The following YTHDC2 variants were observed in gnomAD, a reference collection of about 807,000 sequenced individuals.
The protein encoded by YTHDC2 is 3'-5' RNA helicase YTHDC2.
A neutral mutation model predicts 174.9 loss-of-function variants in YTHDC2; 45 were observed. The ratio of observed to expected loss-of-function variants is 0.26; its 90% CI spans 0.20 to 0.33. YTHDC2 has a LOEUF of 0.33. Among genes scored for constraint, YTHDC2 ranks in the 10% least tolerant of loss-of-function variants. The pLI, the probability that YTHDC2 is intolerant of heterozygous loss-of-function variation, is 1.00. For synonymous variants in YTHDC2, 657 were observed against 574.5 expected, an observed-to-expected ratio of 1.14 and a Z score of -2.05; for missense variants, 1,650 against 1,723.7, an observed-to-expected ratio of 0.96 and a Z score of 0.76.
chr5:113,567,013 T>A, intron 21 of YTHDC2, 79 bp from the exon 22 acceptor site: 2 of 1,424,648 alleles, frequency 1.4e-6, no homozygotes, highest in Admixed American at 2.5e-5. Context: ...TTTACATGAG[T>A]TGTACAAGTT....
At position 113,534,361 on chromosome 5, in the gene YTHDC2, T is replaced by G; in HGVS notation, c.899T>G (p.Leu300Trp). 1 of 1,613,076 alleles carries G rather than the reference T, an allele frequency of 6.2e-7. No individual in the cohort carries two copies. Among genetic ancestry groups the G allele is most frequent in the Non-Finnish European group, 8.5e-7 (1 of 1,179,342 alleles). ...ACTAATGGGGTATTGCTTCGTACAT[T>G]GATGGCAGGAGATAGTACGTTGTCG... ...FCTNGVLLRT[L>W]MAGDSTLSTV... Residue 300 changes from leucine (L) to tryptophan (W), a missense_variant, in exon 6 of 30, where the codon TTG becomes TGG. Physicochemically the swap from Leu to Trp is moderately conservative, Grantham distance 61 (BLOSUM62 -2). Coordinates refer to ENST00000161863, the MANE Select transcript of YTHDC2 (RefSeq NM_022828.5).
intron 10 of YTHDC2, among the ~76,000 whole-genome samples, chr5:113,547,667 G>C (rs1775980146): frequency 6.6e-6 from 1 of 152,054 alleles, no homozygotes; most frequent in Non-Finnish European, 1.5e-5. Context: ...TAAAAAAATA[G>C]TCTTAAAAAG....
chr5:113,561,957 G>GGTGGGTGTGTGTGTGTGTGT (rs1347716150), intron 18 of YTHDC2, among the ~76,000 whole-genome samples: 2 of 134,872 alleles, frequency 1.5e-5, no homozygotes, highest in African/African-American at 2.9e-5. Flanking sequence ...ATTAATTGTG[G>GGTGGGTGTGTGTGTGTGTGT]GTGTGTGTGT....
Position 113,539,144 on chromosome 5 carries a change from C to T in YTHDC2, c.1173C>T (p.Asn391=). The change falls in exon 8 of 30, where the codon AAC becomes AAT. Residue 391 remains asparagine, a synonymous_variant. Transcript: ENST00000161863. ...TTTTAAGAACAACTGGATATACAAA[C>T]AAAGAAATGTTAAAATATAAAAAGG... The part of the protein sequence containing the change: ...EDILRTTGYT[N]KEMLKYKKEK... 1 of 1,400,220 alleles carries T rather than the reference C, an allele frequency of 7.1e-7. No homozygotes were observed. Among genetic ancestry groups the T allele is most frequent in the Non-Finnish European group, 9.6e-7 (1 of 1,045,096 alleles). The allele number at this position is 1,400,220 out of a possible 1,614,324, so 86.7% of individuals were successfully genotyped here. A position where few individuals can be genotyped will look rare whatever the true frequency, so the allele number is the denominator to read the frequency against.
rs77501704 is a variant in YTHDC2, at chr5:113,519,128, C to T, written c.278+3766C>T. Among the ~76,000 whole-genome samples the T allele has an allele frequency of 7.7e-3, 1,174 of 152,120 alleles. 30 individuals carry two copies. The highest frequency in any genetic ancestry group is 0.059 in the East Asian group (303 of 5,172). Reference sequence around the variant, plus strand: ...GCTCAAGTGATCCTCCTGCCTAGGCCGCCCAAAGTATTGGGATTATAGGCC... The same window carrying T: ...GCTCAAGTGATCCTCCTGCCTAGGCTGCCCAAAGTATTGGGATTATAGGCC... On this transcript the variant is annotated intron_variant, in intron 2 of 29. Coordinates refer to ENST00000161863, the MANE Select transcript of YTHDC2 (RefSeq NM_022828.5).
In YTHDC2 at chr5:113,569,225, G is replaced by A. The variant is rs146399103; in HGVS notation, c.3244+1376G>A. Among the ~76,000 whole-genome samples, 1,286 of 152,084 alleles carry A rather than the reference G, an allele frequency of 8.5e-3. 21 individuals are homozygous for A. The highest frequency in any genetic ancestry group is 0.03 in the African/African-American group (1,236 of 41,496). ...TCTTGTAAATTTGCTTAAGTTCCTT[G>A]TATACTCTGGATATTAGACCTTTGT... On this transcript the variant is annotated intron_variant, in intron 23 of 29. Coordinates refer to ENST00000161863, the MANE Select transcript of YTHDC2 (RefSeq NM_022828.5).
intron 20 of YTHDC2, among the ~76,000 whole-genome samples, chr5:113,564,736 G>A (rs918706291): frequency 2.6e-5 from 4 of 152,174 alleles, no homozygotes; most frequent in Non-Finnish European, 5.9e-5. Flanking sequence ...GATATGTGGG[G>A]AAGAATATGT....
chr5:113,541,519 T>G (rs1354703869), intron 9 of YTHDC2, among the ~76,000 whole-genome samples: 1 of 152,098 alleles, frequency 6.6e-6, no homozygotes, highest in African/African-American at 2.4e-5. Context: ...ACTGCATAAT[T>G]GAATGGTAAT....
chr5:113,584,011 T>TG, intron 25 of YTHDC2: 1 of 202,886 alleles, frequency 4.9e-6, no homozygotes. Flanking sequence ...ATAAAAATCT[T>TG]GGAGTTTAGA....
chr5:113,523,313 C>T (rs1298644839), intron 2 of YTHDC2, among the ~76,000 whole-genome samples: 1 of 152,096 alleles, frequency 6.6e-6, no homozygotes, highest in Non-Finnish European at 1.5e-5. Context: ...TGCCGTTGAT[C>T]ATGTAACTGC....
chr5:113,563,860 C>T lies in YTHDC2; in HGVS notation c.2444C>T (p.Thr815Ile). Residue 815 changes from threonine (T) to isoleucine (I), a missense_variant and splice_region_variant, in exon 20 of 30, where the codon ACA becomes ATA. By Grantham distance (89) the Thr-to-Ile change is moderately conservative (BLOSUM62 -1). Transcript: ENST00000161863. ...TCTGTTCTGTCTCCTTTTACTTAGA[C>T]AATAGATGCAATGGATACATGGGAA... ...IVRNAVQMLK[T>I]IDAMDTWEDL... 6.2e-7 allele frequency: 1 copy of T among 1,614,062 alleles called. No homozygotes were observed. The highest frequency in any genetic ancestry group is 1.1e-5 in the South Asian group (1 of 91,076).
At chr5:113,527,968 T>C (rs958885850) in intron 4 of YTHDC2, among the ~76,000 whole-genome samples, 1 of 152,178 alleles carries the variant, frequency 6.6e-6, no homozygotes, top group Non-Finnish European at 1.5e-5. Flanking sequence ...GCATGAGTGC[T>C]TTTATGATTA....
chr5:113,585,127 C>T (rs1056942774), intron 26 of YTHDC2, among the ~76,000 whole-genome samples: 3 of 151,370 alleles, frequency 2.0e-5, no homozygotes, highest in Non-Finnish European at 4.4e-5. Flanking sequence ...ATTAATTTAA[C>T]TTTGGTTTAT....
intron 10 of YTHDC2, among the ~76,000 whole-genome samples, chr5:113,545,357 T>TTTTG (rs1775790107): frequency 2.7e-5 from 4 of 145,906 alleles, no homozygotes; most frequent in South Asian, 2.2e-4. Flanking sequence ...TCATTATTCT[T>TTTTG]TTTTGTTTTG....
intron 4 of YTHDC2, 37 bp downstream of exon 4, chr5:113,526,822 A>AT (rs777000617): frequency 4.8e-4 from 168 of 351,788 alleles, no homozygotes; most frequent in Non-Finnish European, 4.9e-4. Context: ...AAAAAAAAAA[A>AT]AAAAATATAT....
At chr5:113,546,347 C>T (rs1403679230) in intron 10 of YTHDC2, among the ~76,000 whole-genome samples, 1 of 151,000 alleles carries the variant, frequency 6.6e-6, no homozygotes, top group Non-Finnish European at 1.5e-5. Flanking sequence ...CTCTTATGTA[C>T]AGTTTGTACA....
At position 113,526,581 on chromosome 5, in the gene YTHDC2, C is replaced by A; in HGVS notation, c.476-5C>A. 1 of 1,528,282 alleles carries A rather than the reference C, an allele frequency of 6.5e-7. No individual in the cohort carries two copies. Among genetic ancestry groups the A allele is most frequent in the South Asian group, 1.3e-5 (1 of 76,852 alleles). 94.7% of individuals were successfully genotyped at this position (1,528,282 alleles called of 1,614,324 possible). ...CATTTTTTGTTCTTTTATTCATTTTCAAAGAAAACCGGGAAATGAGCAAGA... is the reference window on the plus strand; with the variant it reads ...CATTTTTTGTTCTTTTATTCATTTTAAAAGAAAACCGGGAAATGAGCAAGA... On this transcript the variant is annotated splice_region_variant and splice_polypyrimidine_tract_variant and intron_variant, in intron 3 of 29. Coordinates refer to ENST00000161863, the MANE Select transcript of YTHDC2 (RefSeq NM_022828.5).
At chr5:113,576,102 A>G (rs868049797) in intron 23 of YTHDC2, among the ~76,000 whole-genome samples, 22 of 152,058 alleles carry the variant, frequency 1.4e-4, no homozygotes, top group Non-Finnish European at 2.9e-4. Context: ...CACTCTAAGT[A>G]AATTTTTTTT....
chr5:113,562,227 C>T, intron 18 of YTHDC2, among the ~76,000 whole-genome samples: 1 of 141,224 alleles, frequency 7.1e-6, no homozygotes, highest in Admixed American at 7.2e-5. Context: ...GAATCCTTAA[C>T]AAGAGCATAA....
Sources: allele counts gnomAD v4.1 joint callset (sites outside exome capture counted in the v4.1 genomes callset), GRCh38; gene constraint gnomAD v4.1.1; transcripts MANE v1.5; gene names NCBI Gene and HGNC (gene_info 2026-07-23, HGNC 2026-07-21).